Variants in GCNT4 observed in about 807,000 individuals in gnomAD.
GCNT4 encodes the protein glucosaminyl (N-acetyl) transferase 4.
GCNT4 carries 17 observed loss-of-function variants against 31.3 expected under a neutral mutation model. That is an observed-to-expected ratio of 0.54 (90% CI 0.37 to 0.81). GCNT4 has a LOEUF of 0.81. Ranked by LOEUF, GCNT4 falls within the 40% of genes least tolerant of loss-of-function variation. The pLI is 0.00. For missense variants in GCNT4, 503 were observed against 525.5 expected, an observed-to-expected ratio of 0.96 and a Z score of 0.42; for synonymous variants, 158 against 190.6, an observed-to-expected ratio of 0.83 and a Z score of 1.41.
At chr5:75,030,974 C>G (rs142862719) in intron 3 of GCNT4, 148 of 166,770 alleles carry the variant, frequency 8.9e-4, no homozygotes, top group African/African-American at 3.4e-3. Context: ...GGGGAACAAT[C>G]TCTAAGATAT....
At chr5:75,043,645 A>T (rs888267626) in intron 3 of GCNT4, among the ~76,000 whole-genome samples, 1 of 152,050 alleles carries the variant, frequency 6.6e-6, no homozygotes, top group East Asian at 1.9e-4. Flanking sequence ...AATATCAGAG[A>T]CCTCAGCCCC....
chr5:75,049,277 A>G (rs1743513758), intron 2 of GCNT4, among the ~76,000 whole-genome samples: 1 of 152,100 alleles, frequency 6.6e-6, no homozygotes, highest in Non-Finnish European at 1.5e-5. Flanking sequence ...TATGGTAGAC[A>G]TTTTTCCTCT....
chr5:75,020,757 C>T (rs1742872428), downstream of GCNT4, among the ~76,000 whole-genome samples: 1 of 152,094 alleles, frequency 6.6e-6, no homozygotes, highest in Non-Finnish European at 1.5e-5. Flanking sequence ...CCTACAAAAA[C>T]AGCAGTTTCA....
intron 3 of GCNT4, among the ~76,000 whole-genome samples, chr5:75,046,687 GA>G (rs1255106877): frequency 6.6e-6 from 1 of 152,148 alleles, no homozygotes; most frequent in African/African-American, 2.4e-5. Flanking sequence ...AGAAAACCCA[GA>G]AAACCAACAA....
chr5:75,049,829 C>A (rs866803620), intron 2 of GCNT4, among the ~76,000 whole-genome samples: 1 of 152,182 alleles, frequency 6.6e-6, no homozygotes, highest in Non-Finnish European at 1.5e-5. Flanking sequence ...CTTTGCCATT[C>A]CTTGGCTGTA....
the GCNT4 span, among the ~76,000 whole-genome samples, chr5:75,019,734 A>G: frequency 6.6e-6 from 1 of 152,266 alleles, no homozygotes; most frequent in Non-Finnish European, 1.5e-5. Context: ...ATGTATATTT[A>G]GTAATATACA....
At chr5:75,018,078 T>C in the GCNT4 span, among the ~76,000 whole-genome samples, 1,183 of 152,266 alleles carry the variant, frequency 7.8e-3, 12 homozygotes, top group African/African-American at 0.027. Context: ...GTAAGATTTC[T>C]ATGCCCGTTA....
chr5:75,044,084 G>A (rs78301836), intron 3 of GCNT4, among the ~76,000 whole-genome samples: 1 of 152,258 alleles, frequency 6.6e-6, no homozygotes, highest in East Asian at 1.9e-4. Context: ...CTCTGTGTAT[G>A]GTTTCTAGTC....
downstream of GCNT4, among the ~76,000 whole-genome samples, chr5:75,025,079 A>G (rs1002534328): frequency 3.8e-4 from 58 of 152,202 alleles, no homozygotes; most frequent in African/African-American, 1.4e-3. Flanking sequence ...CAAGCAAACA[A>G]GAGTATTTAT....
At chr5:75,042,555 C>T (rs1212156988) in intron 3 of GCNT4, among the ~76,000 whole-genome samples, 1 of 152,172 alleles carries the variant, frequency 6.6e-6, no homozygotes, top group Non-Finnish European at 1.5e-5. Context: ...GCAGAGGCAG[C>T]ACAGGGATAA....
At chr5:75,018,017 G>A in the GCNT4 span, among the ~76,000 whole-genome samples, 3 of 152,074 alleles carry the variant, frequency 2.0e-5, no homozygotes, top group Non-Finnish European at 4.4e-5. Flanking sequence ...AGCAACTCAG[G>A]CCCAATCCCA....
downstream of GCNT4, among the ~76,000 whole-genome samples, chr5:75,024,182 CA>C (rs1000443844): frequency 6.6e-6 from 1 of 150,862 alleles, no homozygotes. Flanking sequence ...CCAATGGGAA[CA>C]AAAAAATATG....
intron 2 of GCNT4, among the ~76,000 whole-genome samples, chr5:75,050,262 A>G (rs1350021363): frequency 6.6e-6 from 1 of 152,222 alleles, no homozygotes; most frequent in Admixed American, 6.5e-5. Context: ...GCTTTAAAAC[A>G]CTGTTTCTGT....
downstream of GCNT4, among the ~76,000 whole-genome samples, chr5:75,024,759 G>A (rs2149944009): frequency 2.0e-5 from 3 of 152,100 alleles, no homozygotes; most frequent in South Asian, 6.2e-4. Context: ...AGACCAGCCT[G>A]GCCAACATAG....
At chr5:75,041,058 C>T (rs11955513) in intron 3 of GCNT4, among the ~76,000 whole-genome samples, 20,261 of 152,230 alleles carry the variant, frequency 0.13, 1,536 homozygotes, top group East Asian at 0.2. Flanking sequence ...TGGCTAAACG[C>T]GGTCTGTAAG....
chr5:75,025,469 G>T lies in GCNT4; in HGVS notation c.*3207C>A, dbSNP rs914356451. ...GTAATGGGAACTGTATTTCAAAAAT[G>T]ATAAGAAAACAAAATAGGAGATTTA... On this transcript the variant is annotated 3_prime_UTR_variant, in exon 4 of 4. Transcript: ENST00000652361. 6.6e-6 allele frequency: 1 copy of T among 152,082 alleles called. No homozygotes were observed. Among genetic ancestry groups the T allele is most frequent in the African/African-American group, 2.4e-5 (1 of 41,428 alleles). The allele number at this position is 152,082 out of a possible 1,614,324, so 9.4% of individuals were successfully genotyped here. A position where few individuals can be genotyped will look rare whatever the true frequency, so the allele number is the denominator to read the frequency against.
chr5:75,053,852 G>C (rs568754415), upstream of GCNT4, among the ~76,000 whole-genome samples: 3 of 146,132 alleles, frequency 2.1e-5, no homozygotes, highest in East Asian at 5.8e-4. Context: ...CGTCATCCAC[G>C]TTCGGTTCCC....
At chr5:75,031,611 G>A (rs11957690) in intron 3 of GCNT4, among the ~76,000 whole-genome samples, 59,998 of 152,122 alleles carry the variant, frequency 0.39, 14,318 homozygotes, top group African/African-American at 0.68. Context: ...CACTGGTAAC[G>A]GGAATTGCTT....
At chr5:75,034,822 C>A (rs1055148115) in intron 3 of GCNT4, among the ~76,000 whole-genome samples, 4 of 152,264 alleles carry the variant, frequency 2.6e-5, no homozygotes, top group Non-Finnish European at 4.4e-5. Flanking sequence ...TGAGGCATTT[C>A]CCTCAAACCA....
Sources: gnomAD v4.1 joint callset for allele counts (sites outside exome capture counted in the v4.1 genomes callset) on GRCh38, gnomAD v4.1.1 for gene constraint, MANE v1.5 for transcripts, NCBI Gene and HGNC (gene_info 2026-07-23, HGNC 2026-07-21) for gene names.